NRIP3: variants seen among roughly 807,000 people sequenced by gnomAD.
The protein encoded by NRIP3 is nuclear receptor-interacting protein 3.
NRIP3 carries 31 observed loss-of-function variants against 29.0 expected under a neutral mutation model. That is an observed-to-expected ratio of 1.07 (90% CI 0.80 to 1.44). The LOEUF (loss-of-function observed/expected upper bound fraction) is 1.44, where lower values mean the gene tolerates loss of function less well. Ranked by LOEUF, NRIP3 falls within the 40% of genes most tolerant of loss-of-function variation. The probability of loss-of-function intolerance (pLI) is 0.00; values close to 1 mark genes in which losing one functional copy is unlikely to be tolerated. For synonymous variants in NRIP3, 131 were observed against 118.3 expected (o/e 1.11, Z -0.70); for missense variants, 314 against 297.9 (o/e 1.05, Z -0.40).
chr11:8,995,101 C>T (rs1854678270), intron 1 of NRIP3, among the ~76,000 whole-genome samples: 1 of 152,046 alleles, frequency 6.6e-6, no homozygotes, highest in South Asian at 2.1e-4. Context: ...TCTTCATTTA[C>T]GTTACTGCTA....
chr11:8,984,018 G>T, intron 5 of NRIP3, 49 bp from the exon 6 acceptor site: 1 of 1,597,570 alleles, frequency 6.3e-7, no homozygotes, highest in East Asian at 2.2e-5. Context: ...TCCTGTGTAA[G>T]AGGATACCTG....
At chr11:8,999,917 T>C (rs1854767231) in intron 1 of NRIP3, among the ~76,000 whole-genome samples, 1 of 152,196 alleles carries the variant, frequency 6.6e-6, no homozygotes. Flanking sequence ...CTGATTTATT[T>C]TCTCCATAGA....
intron 1 of NRIP3, among the ~76,000 whole-genome samples, chr11:8,993,583 C>T (rs555701077): frequency 2.6e-5 from 4 of 152,006 alleles, no homozygotes; most frequent in African/African-American, 4.8e-5. Flanking sequence ...CCAAGGCGGG[C>T]GGATTGCTTG....
chr11:8,987,476 C>G (rs1001257322), intron 3 of NRIP3, 72 bp downstream of exon 3: 3 of 1,122,870 alleles, frequency 2.7e-6, no homozygotes, highest in Non-Finnish European at 4.1e-6. Flanking sequence ...CTCACCATCT[C>G]TAACCATAAA....
intron 3 of NRIP3, 148 bp from the exon 4 acceptor site, chr11:8,985,998 G>T: frequency 2.2e-6 from 2 of 889,814 alleles, no homozygotes; most frequent in Non-Finnish European, 3.5e-6. Context: ...TACATATGTT[G>T]TTCCAGCACT....
intron 1 of NRIP3, among the ~76,000 whole-genome samples, chr11:8,990,757 A>G (rs777084178): frequency 5.3e-4 from 80 of 152,268 alleles, no homozygotes; most frequent in Middle Eastern, 3.4e-3. Flanking sequence ...GCACCACTGC[A>G]CTCCAGCCTG....
At chr11:9,001,387 GC>G (rs1443665720) in intron 1 of NRIP3, among the ~76,000 whole-genome samples, 2 of 152,114 alleles carry the variant, frequency 1.3e-5, no homozygotes, top group African/African-American at 4.8e-5. Flanking sequence ...AGAAATCCCA[GC>G]GGTATATTCA....
At chr11:8,998,874 A>C (rs533704227) in intron 1 of NRIP3, among the ~76,000 whole-genome samples, 1 of 145,846 alleles carries the variant, frequency 6.9e-6, no homozygotes, top group East Asian at 2.1e-4. Flanking sequence ...GCTCACTGCA[A>C]GCTCCGCCTC....
chr11:8,982,824 T>C lies in NRIP3; in HGVS notation c.*721A>G. ...TCTCCAGAGAATATTCCTCCCATGCTCTGCCTTTTTTTTTTTTTTTTTAAC... is the reference window on the plus strand; with the variant it reads ...TCTCCAGAGAATATTCCTCCCATGCCCTGCCTTTTTTTTTTTTTTTTTAAC... On this transcript the variant is annotated 3_prime_UTR_variant, in exon 7 of 7. Transcript: ENST00000309166. 1 of 359,624 alleles carries C rather than the reference T, an allele frequency of 2.8e-6. No homozygotes were observed. The highest frequency in any genetic ancestry group is 5.4e-6 in the Non-Finnish European group (1 of 186,828). The allele number at this position is 359,624 out of a possible 1,614,324, so 22.3% of individuals were successfully genotyped here.
chr11:8,991,493 A>G (rs1377236408), intron 1 of NRIP3, among the ~76,000 whole-genome samples: 1 of 152,234 alleles, frequency 6.6e-6, no homozygotes, highest in Admixed American at 6.5e-5. Flanking sequence ...ATATAGCTGC[A>G]TATTTACCTC....
At chr11:8,996,586 G>A (rs1854710682) in intron 1 of NRIP3, among the ~76,000 whole-genome samples, 1 of 152,038 alleles carries the variant, frequency 6.6e-6, no homozygotes, top group Non-Finnish European at 1.5e-5. Flanking sequence ...CAGCCAAAAA[G>A]CCTTTCTTGA....
upstream of NRIP3, chr11:9,004,026 T>A: frequency 3.2e-6 from 4 of 1,250,718 alleles, no homozygotes; most frequent in Non-Finnish European, 4.1e-6. Flanking sequence ...GAGCCGCGCC[T>A]TTTATAGCCG....
chr11:8,996,445 T>C (rs568629139), intron 1 of NRIP3, among the ~76,000 whole-genome samples: 1 of 152,128 alleles, frequency 6.6e-6, no homozygotes, highest in Admixed American at 6.5e-5. Context: ...CACACCCAGC[T>C]AATTTTTGCC....
At chr11:8,995,842 A>G (rs1854692872) in intron 1 of NRIP3, among the ~76,000 whole-genome samples, 1 of 152,086 alleles carries the variant, frequency 6.6e-6, no homozygotes, top group African/African-American at 2.4e-5. Flanking sequence ...CTCTCCCTTT[A>G]TTCATTCAGA....
At chr11:8,985,514 C>T (rs1245983617) in intron 4 of NRIP3, among the ~76,000 whole-genome samples, 197 bp downstream of exon 4, 1 of 151,810 alleles carries the variant, frequency 6.6e-6, no homozygotes, top group African/African-American at 2.4e-5. Flanking sequence ...GATTGATTCT[C>T]AACATGTCTT....
chr11:9,003,665 C>T, intron 1 of NRIP3, 97 bp downstream of exon 1: 2 of 1,201,826 alleles, frequency 1.7e-6, no homozygotes, highest in Non-Finnish European at 2.2e-6. Context: ...AGCGGCGGGC[C>T]GGGCCGTGAC....
At chr11:8,983,770 C>G in intron 6 of NRIP3, 105 bp downstream of exon 6, 1 of 1,049,912 alleles carries the variant, frequency 9.5e-7, no homozygotes, top group South Asian at 1.3e-5. Context: ...TAATTGAAAG[C>G]CAAAGACAGG....
intron 1 of NRIP3, among the ~76,000 whole-genome samples, chr11:8,998,804 T>C (rs1214894353): frequency 2.8e-5 from 4 of 142,650 alleles, no homozygotes; most frequent in Non-Finnish European, 4.6e-5. Context: ...TTTTTTTTTT[T>C]TTTTTTTGAG....
chr11:8,999,741 G>T (rs1043722758), intron 1 of NRIP3, among the ~76,000 whole-genome samples: 4 of 151,962 alleles, frequency 2.6e-5, no homozygotes, highest in African/African-American at 9.7e-5. Context: ...CTTTGCACTT[G>T]CTGTTCCTTC....
Sources: allele counts gnomAD v4.1 joint callset (sites outside exome capture counted in the v4.1 genomes callset), GRCh38; gene constraint gnomAD v4.1.1; transcripts MANE v1.5; gene names NCBI Gene and HGNC (gene_info 2026-07-23, HGNC 2026-07-21).